MYO10: variants seen among roughly 807,000 people sequenced by gnomAD.
The protein encoded by MYO10 is myosin X.
A neutral mutation model predicts 257.3 loss-of-function variants in MYO10; 133 were observed. That is an observed-to-expected ratio of 0.52 (90% CI 0.45 to 0.60). The LOEUF is 0.60. Ranked by LOEUF, MYO10 falls within the 20% of genes least tolerant of loss-of-function variation. The pLI is 0.00. For synonymous variants in MYO10, 1,104 were observed against 1,028.6 expected (o/e 1.07, Z -1.40); for missense variants, 2,399 against 2,635.7 (o/e 0.91, Z 1.97).
At chr5:16,896,205 T>C (rs1329234033) in intron 1 of MYO10, among the ~76,000 whole-genome samples, 1 of 152,116 alleles carries the variant, frequency 6.6e-6, no homozygotes, top group Non-Finnish European at 1.5e-5. Context: ...AAGCCTGTAA[T>C]CCCAGCAGTT....
intron 10 of MYO10, 34 bp downstream of exon 10, chr5:16,769,040 A>G: frequency 6.4e-7 from 1 of 1,574,294 alleles, no homozygotes; most frequent in Non-Finnish European, 8.6e-7. Context: ...CGGGGAACAA[A>G]GGGAGCGAGG....
At chr5:16,907,597 G>A (rs1745552136) in intron 1 of MYO10, among the ~76,000 whole-genome samples, 1 of 152,152 alleles carries the variant, frequency 6.6e-6, no homozygotes, top group African/African-American at 2.4e-5. Flanking sequence ...GGATTATGCA[G>A]ACAATATTAA....
rs548094379 is a variant in MYO10 at position 16,854,585 on chromosome 5, C to G, written c.120+23024G>C. Among the ~76,000 whole-genome samples the G allele has an allele frequency of 4.3e-4, 66 of 152,242 alleles. 1 individual carries two copies. The highest frequency in any genetic ancestry group is 1.5e-3 in the African/African-American group (62 of 41,550). On this transcript the variant is annotated intron_variant, in intron 2 of 40. Transcript: ENST00000513610. ...GCTTGGGAATGACAGCTCAGGGTTACAGCGTTTCTATTTTAAATAATGAAA... is the reference window on the plus strand; with the variant it reads ...GCTTGGGAATGACAGCTCAGGGTTAGAGCGTTTCTATTTTAAATAATGAAA...
intron 1 of MYO10, among the ~76,000 whole-genome samples, chr5:16,912,849 C>CACACACACACACACACACACACACACACA (rs57618587): frequency 1.3e-5 from 2 of 148,524 alleles, no homozygotes. Context: ...CACACACACA[C>CACACACACACACACACACACACACACACA]CATGGTACCT....
intron 14 of MYO10, among the ~76,000 whole-genome samples, chr5:16,763,241 A>G (rs2126651347): frequency 6.6e-6 from 1 of 152,282 alleles, no homozygotes; most frequent in Admixed American, 6.5e-5. Flanking sequence ...AATCTAAGGG[A>G]AGCCAATTCA....
chr5:16,915,890 G>C (rs1745801287), intron 1 of MYO10, among the ~76,000 whole-genome samples: 1 of 151,764 alleles, frequency 6.6e-6, no homozygotes, highest in African/African-American at 2.4e-5. Context: ...CCAGGAGGCA[G>C]AGGTTGCAGT....
chr5:16,756,981 T>C (rs1447655978), intron 18 of MYO10, among the ~76,000 whole-genome samples: 1 of 151,884 alleles, frequency 6.6e-6, no homozygotes, highest in Non-Finnish European at 1.5e-5. Flanking sequence ...TAGCCATGCG[T>C]AATGGCGCAT....
intron 19 of MYO10, among the ~76,000 whole-genome samples, chr5:16,723,640 C>G (rs764086070): frequency 6.6e-6 from 1 of 152,150 alleles, no homozygotes; most frequent in African/African-American, 2.4e-5. Flanking sequence ...CAAAAACTTA[C>G]GTCCACACAA....
Position 16,834,615 on chromosome 5 carries a change from G to A in MYO10, c.121-16448C>T, listed in dbSNP as rs183194007. 3.0e-3 allele frequency among the ~76,000 whole-genome samples: 452 copies of A among 152,274 alleles called. 3 individuals carry two copies. Among genetic ancestry groups the A allele is most frequent in the South Asian group, 0.026 (127 of 4,824 alleles). ...TAAGATTACATGATGAGGACTTTACGTTTGTCATCTAAAACCAACTCCAAA... is the reference window on the plus strand; with the variant it reads ...TAAGATTACATGATGAGGACTTTACATTTGTCATCTAAAACCAACTCCAAA... On this transcript the variant is annotated intron_variant, in intron 2 of 40. Coordinates refer to ENST00000513610, the MANE Select transcript of MYO10 (RefSeq NM_012334.3).
At chr5:16,912,934 G>C (rs1745707777) in intron 1 of MYO10, among the ~76,000 whole-genome samples, 1 of 148,856 alleles carries the variant, frequency 6.7e-6, no homozygotes, top group Admixed American at 6.8e-5. Flanking sequence ...CTACAGGCAT[G>C]CTTTCTGGCC....
At chr5:16,783,302 C>T in intron 5 of MYO10, 33 bp downstream of exon 5, 1 of 1,527,950 alleles carries the variant, frequency 6.5e-7, no homozygotes, top group Admixed American at 2.3e-5. Flanking sequence ...AAAGTGAATC[C>T]TATTAGTTGG....
intron 18 of MYO10, among the ~76,000 whole-genome samples, chr5:16,757,315 C>CACACAA (rs370329773): frequency 3.4e-5 from 1 of 29,564 alleles, no homozygotes; most frequent in African/African-American, 8.7e-5. Context: ...CACACACACA[C>CACACAA]GCACACACAC....
intron 1 of MYO10, chr5:16,916,602 G>C (rs184532996): frequency 2.1e-4 from 32 of 154,208 alleles, no homozygotes; most frequent in Non-Finnish European, 3.6e-4. Flanking sequence ...GCAAGGGTGT[G>C]AACCTATAAG....
At chr5:16,838,578 T>C (rs1743382212) in intron 2 of MYO10, among the ~76,000 whole-genome samples, 1 of 152,198 alleles carries the variant, frequency 6.6e-6, no homozygotes. Flanking sequence ...CAGGACATGT[T>C]GACAAAGAAG....
chr5:16,702,430 T>G (rs1738123316), intron 24 of MYO10, 113 bp downstream of exon 24: 1 of 1,015,532 alleles, frequency 9.8e-7, no homozygotes, highest in Non-Finnish European at 1.5e-6. Flanking sequence ...CCTCTTAAAT[T>G]GTTCTTCCTG....
intron 17 of MYO10, 77 bp downstream of exon 17, chr5:16,761,387 T>C (rs1740708743): frequency 2.6e-6 from 3 of 1,161,624 alleles, no homozygotes; most frequent in Non-Finnish European, 2.6e-6. Context: ...CAATTTGTTC[T>C]ATATTTGTGA....
intron 2 of MYO10, among the ~76,000 whole-genome samples, chr5:16,836,053 G>A (rs1743303703): frequency 6.6e-6 from 1 of 152,150 alleles, no homozygotes; most frequent in Admixed American, 6.5e-5. Context: ...GAGGGTTAGG[G>A]AAACTGATGG....
chr5:16,685,100 G>A (rs1256327411), intron 29 of MYO10, among the ~76,000 whole-genome samples: 1 of 152,136 alleles, frequency 6.6e-6, no homozygotes, highest in Non-Finnish European at 1.5e-5. Flanking sequence ...TGAAGAGTAA[G>A]TGTGATGTGT....
intron 9 of MYO10, among the ~76,000 whole-genome samples, chr5:16,778,591 G>T (rs180939405): frequency 1.3e-4 from 20 of 152,148 alleles, no homozygotes; most frequent in Admixed American, 1.2e-3. Flanking sequence ...TTCTTCCACG[G>T]GGAAGAGAAG....
Sources: allele counts gnomAD v4.1 joint callset (sites outside exome capture counted in the v4.1 genomes callset), GRCh38; gene constraint gnomAD v4.1.1; transcripts MANE v1.5; gene names NCBI Gene and HGNC (gene_info 2026-07-23, HGNC 2026-07-21).